Variants in SLCO5A1 observed in about 807,000 individuals in gnomAD.
SLCO5A1 encodes organic anion transporter polypeptide-related protein 4.
Under a neutral mutation model 65.1 loss-of-function variants are expected in SLCO5A1, and 39 were observed. The observed-to-expected ratio is 0.60, with a 90% CI of 0.46 to 0.78. The LOEUF is 0.78. SLCO5A1 is among the 30% of genes least tolerant of loss of function. SLCO5A1 has a pLI of 0.00. For missense variants in SLCO5A1, 1,029 were observed against 1,069.4 expected (o/e 0.96, Z 0.53); for synonymous variants, 438 against 415.7 (o/e 1.05, Z -0.65).
intron 2 of SLCO5A1, among the ~76,000 whole-genome samples, chr8:69,821,979 A>G (rs942436160): frequency 6.6e-6 from 1 of 151,902 alleles, no homozygotes; most frequent in Admixed American, 6.6e-5. Context: ...TACAAAACTT[A>G]GCCAGGCGTG....
At chr8:69,732,577 G>A (rs901381860) in intron 5 of SLCO5A1, among the ~76,000 whole-genome samples, 9 of 152,068 alleles carry the variant, frequency 5.9e-5, no homozygotes, top group African/African-American at 1.9e-4. Context: ...ATCACATAGC[G>A]AGGCCGAGTA....
At chr8:69,684,534 C>A (rs1467879350) in intron 6 of SLCO5A1, among the ~76,000 whole-genome samples, 1 of 152,180 alleles carries the variant, frequency 6.6e-6, no homozygotes, top group Admixed American at 6.5e-5. Flanking sequence ...ATAAATGATG[C>A]CATGGCAAAT....
intron 2 of SLCO5A1, among the ~76,000 whole-genome samples, chr8:69,819,516 A>T (rs2130918540): frequency 6.6e-6 from 1 of 152,346 alleles, no homozygotes; most frequent in South Asian, 2.1e-4. Flanking sequence ...TTTGGCCTCC[A>T]TGTGCTCCCT....
At chr8:69,712,771 G>A (rs560255717) in intron 5 of SLCO5A1, among the ~76,000 whole-genome samples, 97 of 152,198 alleles carry the variant, frequency 6.4e-4, no homozygotes, top group African/African-American at 2.3e-3. Flanking sequence ...CCAACGCCTA[G>A]TGTGTGTTTG....
chr8:69,692,019 T>C (rs559183940), intron 6 of SLCO5A1, among the ~76,000 whole-genome samples: 1 of 152,154 alleles, frequency 6.6e-6, no homozygotes, highest in Non-Finnish European at 1.5e-5. Flanking sequence ...GAGGCCGAGG[T>C]GGGCAGATCA....
At chr8:69,682,399 G>A in intron 6 of SLCO5A1, 56 bp from the exon 7 acceptor site, 1 of 1,399,272 alleles carries the variant, frequency 7.1e-7, no homozygotes, top group South Asian at 1.7e-5. Flanking sequence ...AAACTCATAG[G>A]AAAGGTCTTG....
chr8:69,752,436 T>A (rs111966157), intron 4 of SLCO5A1, among the ~76,000 whole-genome samples: 1 of 146,718 alleles, frequency 6.8e-6, no homozygotes, highest in African/African-American at 2.5e-5. Flanking sequence ...TCAGCTTTGT[T>A]AAAAAAAAAA....
intron 5 of SLCO5A1, among the ~76,000 whole-genome samples, chr8:69,715,610 T>C (rs1298148642): frequency 2.6e-5 from 4 of 152,118 alleles, no homozygotes; most frequent in Non-Finnish European, 5.9e-5. Context: ...TCAAACTCTG[T>C]ATATGGAAAA....
intron 4 of SLCO5A1, among the ~76,000 whole-genome samples, chr8:69,742,942 A>G (rs893973115): frequency 6.6e-6 from 1 of 151,972 alleles, no homozygotes; most frequent in African/African-American, 2.4e-5. Flanking sequence ...CTGGGATTAC[A>G]GACACTTGCC....
At chr8:69,679,641 G>A (rs374236905) in intron 7 of SLCO5A1, 22 bp from the exon 8 acceptor site, 51 of 1,611,114 alleles carry the variant, frequency 3.2e-5, no homozygotes, top group Non-Finnish European at 4.0e-5. Context: ...AAATAAAGAT[G>A]AGTTGTGTGC....
At chr8:69,828,709 G>A (rs150195026) in intron 2 of SLCO5A1, among the ~76,000 whole-genome samples, 148 of 152,226 alleles carry the variant, frequency 9.7e-4, no homozygotes, top group African/African-American at 3.5e-3. Context: ...TTGCACTGGC[G>A]GTATTGCTTT....
intron 6 of SLCO5A1, among the ~76,000 whole-genome samples, chr8:69,703,896 G>C (rs2130809125): frequency 6.6e-6 from 1 of 152,244 alleles, no homozygotes; most frequent in South Asian, 2.1e-4. Context: ...CTCTTGCCTA[G>C]GCTATTTAAG....
At chr8:69,798,725 A>T (rs1819608330) in intron 2 of SLCO5A1, among the ~76,000 whole-genome samples, 1 of 152,192 alleles carries the variant, frequency 6.6e-6, no homozygotes, top group Admixed American at 6.5e-5. Context: ...CCAGTCCAAA[A>T]AATTATTACC....
chr8:69,828,458 T>C (rs950146080), intron 2 of SLCO5A1, among the ~76,000 whole-genome samples: 15 of 151,914 alleles, frequency 9.9e-5, no homozygotes, highest in Admixed American at 8.5e-4. Context: ...AAAAATTAGC[T>C]GGGCGTGGTG....
At chr8:69,703,170 T>C (rs1037531240) in intron 6 of SLCO5A1, among the ~76,000 whole-genome samples, 1 of 151,916 alleles carries the variant, frequency 6.6e-6, no homozygotes, top group Admixed American at 6.6e-5. Context: ...GTTAAGGTTT[T>C]CATAACTCTC....
chr8:69,749,514 A>G (rs569173276), intron 4 of SLCO5A1, among the ~76,000 whole-genome samples: 17 of 152,190 alleles, frequency 1.1e-4, no homozygotes, highest in African/African-American at 3.6e-4. Context: ...ACTACTCAGG[A>G]GGCTGAGGCA....
chr8:69,673,695 G>A (rs754125781), intron 9 of SLCO5A1, among the ~76,000 whole-genome samples: 2 of 152,056 alleles, frequency 1.3e-5, no homozygotes, highest in Non-Finnish European at 2.9e-5. Context: ...CTTAAAAATT[G>A]GATTTTGTCA....
intron 2 of SLCO5A1, among the ~76,000 whole-genome samples, chr8:69,796,247 G>T (rs1038638658): frequency 2.0e-5 from 3 of 150,762 alleles, no homozygotes; most frequent in African/African-American, 7.3e-5. Flanking sequence ...AATGAGAGTT[G>T]GTTTTTTTTT....
intron 2 of SLCO5A1, among the ~76,000 whole-genome samples, chr8:69,785,583 A>C (rs1403198816): frequency 2.0e-5 from 3 of 152,228 alleles, no homozygotes; most frequent in Non-Finnish European, 4.4e-5. Flanking sequence ...ATATAAGTTT[A>C]GTTAGTTTGC....
Sources: gnomAD v4.1 joint callset for allele counts (sites outside exome capture counted in the v4.1 genomes callset) on GRCh38, gnomAD v4.1.1 for gene constraint, MANE v1.5 for transcripts, NCBI Gene and HGNC (gene_info 2026-07-23, HGNC 2026-07-21) for gene names.